RSL24D1: variants seen among roughly 807,000 people sequenced by gnomAD.
RSL24D1 encodes probable ribosome biogenesis protein RLP24.
A neutral mutation model predicts 26.2 loss-of-function variants in RSL24D1; 6 were observed. That is an observed-to-expected ratio of 0.23 (90% CI 0.13 to 0.45). RSL24D1 has a LOEUF of 0.45. Ranked by LOEUF, RSL24D1 falls within the 20% of genes least tolerant of loss-of-function variation. The pLI, the probability that RSL24D1 is intolerant of heterozygous loss-of-function variation, is 0.99. For synonymous variants in RSL24D1, 61 were observed against 59.1 expected (o/e 1.03, Z -0.15); for missense variants, 176 against 202.6 (o/e 0.87, Z 0.80).
At chr15:55,196,532 G>A in intron 1 of RSL24D1, 3 of 585,908 alleles carry the variant, frequency 5.1e-6, no homozygotes, top group Non-Finnish European at 9.3e-6. Flanking sequence ...AGACATCCAA[G>A]ATTCCTGGTA....
At chr15:55,183,199 C>A (rs62020095) in intron 5 of RSL24D1, 116 bp downstream of exon 5, 1 of 692,996 alleles carries the variant, frequency 1.4e-6, no homozygotes, top group South Asian at 2.2e-5. Flanking sequence ...TTTTATAGGC[C>A]AAATCATATC....
intron 3 of RSL24D1, among the ~76,000 whole-genome samples, chr15:55,185,713 A>C (rs1894217377): frequency 6.6e-6 from 1 of 152,156 alleles, no homozygotes; most frequent in Non-Finnish European, 1.5e-5. Context: ...TGCTTTTCAA[A>C]TTTTACTATA....
chr15:55,183,493 A>T, intron 4 of RSL24D1, 93 bp from the exon 5 acceptor site: 1 of 846,038 alleles, frequency 1.2e-6, no homozygotes, highest in Non-Finnish European at 1.9e-6. Flanking sequence ...TTTGTTACTT[A>T]AGTTAGCCCC....
intron 3 of RSL24D1, among the ~76,000 whole-genome samples, chr15:55,188,592 G>C (rs1431062106): frequency 2.6e-5 from 4 of 152,300 alleles, no homozygotes; most frequent in Non-Finnish European, 5.9e-5. Flanking sequence ...CTTAATAAAT[G>C]TGCACTGAAT....
At chr15:55,195,539 T>C (rs1285050127) in intron 1 of RSL24D1, 1 of 152,256 alleles carries the variant, frequency 6.6e-6, no homozygotes, top group Non-Finnish European at 1.5e-5. Context: ...ACCCAGGTCT[T>C]GACAGTTCTC....
At chr15:55,184,945 C>G (rs1894208388) in intron 4 of RSL24D1, among the ~76,000 whole-genome samples, 1 of 152,080 alleles carries the variant, frequency 6.6e-6, no homozygotes, top group Admixed American at 6.6e-5. Flanking sequence ...GAGAAACTGT[C>G]CAGATTAAAG....
chr15:55,192,580 T>C (rs1033004202), intron 2 of RSL24D1, 140 bp downstream of exon 2: 7 of 537,994 alleles, frequency 1.3e-5, no homozygotes, highest in African/African-American at 1.2e-4. Context: ...AATGAGATTA[T>C]TTCCACAGCC....
At chr15:55,182,473 A>C (rs1026999761) in intron 5 of RSL24D1, among the ~76,000 whole-genome samples, 3 of 152,164 alleles carry the variant, frequency 2.0e-5, no homozygotes, top group Non-Finnish European at 4.4e-5. Flanking sequence ...ACTGAGGCTC[A>C]AAGACAGATT....
rs778975431 is a variant in RSL24D1 at position 55,192,805 on chromosome 15, T to C, written c.110A>G (p.His37Arg). The C allele has an allele frequency of 3.1e-6, 5 of 1,613,698 alleles. No homozygotes were observed. The highest frequency in any genetic ancestry group is 4.2e-6 in the Non-Finnish European group (5 of 1,179,804). ...KVFRFCKSKC[H>R]KNFKKKRNPR... ...ATTGCGCTTCTTTTTAAAGTTTTTA[T>C]GACATTTAGATTTGCAAAATCTGAA... Residue 37 changes from histidine (H) to arginine (R), a missense_variant, in exon 2 of 6, where the codon CAT becomes CGT. This residue lies in a region of RSL24D1 where 89 missense variants were observed against 135.1 expected (regional missense o/e 0.66). Transcript: ENST00000260443.
chr15:55,196,907 A>G lies in RSL24D1; in HGVS notation c.-17T>C. The G allele has an allele frequency of 6.2e-7, 1 of 1,612,352 alleles. No individual in the cohort carries two copies. The highest frequency in any genetic ancestry group is 8.5e-7 in the Non-Finnish European group (1 of 1,178,560). On this transcript the variant is annotated 5_prime_UTR_variant, in exon 1 of 6. Transcript: ENST00000260443. ...GATACGCATGTTGAACCCGCGTGTAACCCCACCAAACAAACGCCAAGCTTG... is the reference window on the plus strand; with the variant it reads ...GATACGCATGTTGAACCCGCGTGTAGCCCCACCAAACAAACGCCAAGCTTG...
At chr15:55,186,032 T>C (rs1392000575) in intron 3 of RSL24D1, among the ~76,000 whole-genome samples, 1 of 152,212 alleles carries the variant, frequency 6.6e-6, no homozygotes, top group Non-Finnish European at 1.5e-5. Flanking sequence ...GTAGCCGTAT[T>C]TTTTAAAGTA....
intron 1 of RSL24D1, among the ~76,000 whole-genome samples, chr15:55,195,079 C>T (rs1421131215): frequency 2.0e-5 from 3 of 149,220 alleles, no homozygotes; most frequent in African/African-American, 7.4e-5. Flanking sequence ...TGGTAAGAGC[C>T]TAATCTGAAC....
In RSL24D1 at chr15:55,180,972, CT is replaced by C. The variant is rs1191022555; in HGVS notation, c.*1179del. On this transcript the variant is annotated 3_prime_UTR_variant, in exon 6 of 6. Coordinates refer to ENST00000260443, the MANE Select transcript of RSL24D1 (RefSeq NM_016304.3). ...GGCAAAACCACATTGGAACTCAGGTCTCCTAACACTTGGTCCAGGGACTGGT... is the reference window on the plus strand; with the variant it reads ...GGCAAAACCACATTGGAACTCAGGTCCCTAACACTTGGTCCAGGGACTGGT... 6.6e-6 allele frequency: 1 copy of C among 152,056 alleles called. No individual in the cohort carries two copies. The highest frequency in any genetic ancestry group is 1.5e-5 in the Non-Finnish European group (1 of 68,004). The allele number at this position is 152,056 out of a possible 1,614,324, so 9.4% of individuals were successfully genotyped here. A position where few individuals can be genotyped will look rare whatever the true frequency, so the allele number is the denominator to read the frequency against.
chr15:55,187,682 G>C (rs79780937), intron 3 of RSL24D1, among the ~76,000 whole-genome samples: 6,819 of 152,196 alleles, frequency 0.045, 515 homozygotes, highest in African/African-American at 0.16. Flanking sequence ...CTTGTAAGCA[G>C]GGGCTAAGCT....
At chr15:55,184,072 T>A (rs76808522) in intron 4 of RSL24D1, among the ~76,000 whole-genome samples, 1,832 of 152,332 alleles carry the variant, frequency 0.012, 58 homozygotes, top group East Asian at 0.057. Flanking sequence ...AGACTAGTTT[T>A]CAAACATTTT....
At chr15:55,190,430 T>C (rs937756420) in intron 3 of RSL24D1, among the ~76,000 whole-genome samples, 1 of 151,972 alleles carries the variant, frequency 6.6e-6, no homozygotes, top group Non-Finnish European at 1.5e-5. Flanking sequence ...AAACAAGAAC[T>C]AGATATTATT....
rs891509592 is a variant in RSL24D1 at position 55,181,965 on chromosome 15, A to G, written c.*187T>C. 2.0e-6 allele frequency: 1 copy of G among 509,456 alleles called. No individual in the cohort carries two copies. Among genetic ancestry groups the G allele is most frequent in the Non-Finnish European group, 3.5e-6 (1 of 284,970 alleles). 31.6% of individuals were successfully genotyped at this position (509,456 alleles called of 1,614,324 possible). A position where few individuals can be genotyped will look rare whatever the true frequency, so the allele number is the denominator to read the frequency against. On this transcript the variant is annotated 3_prime_UTR_variant, in exon 6 of 6. Transcript: ENST00000260443. Reference sequence around the variant, plus strand: ...TTTACTTAAGTACATCTATCAGTAAAGATTTAACACTGAGATGCAATCTAA... The same window carrying G: ...TTTACTTAAGTACATCTATCAGTAAGGATTTAACACTGAGATGCAATCTAA...
In RSL24D1 at chr15:55,190,979, T is replaced by C. The variant is rs17850526; in HGVS notation, c.264A>G (p.Lys88=). 4.4e-6 allele frequency: 7 copies of C among 1,599,410 alleles called. No homozygotes were observed. Among genetic ancestry groups the C allele is most frequent in the Admixed American group, 1.7e-5 (1 of 58,290 alleles). ...PIKYQRELWN[K]TIDAMKRVEE... The stretch of plus-strand genomic sequence containing the variant: ...TGGTATTTCTTTGTGACTTACTAGT[T>C]TTATTCCATAGCTCTCGCTGGTATT... Residue 88 remains lysine, a synonymous_variant, in exon 3 of 6, where the codon AAA becomes AAG. Transcript: ENST00000260443.
chr15:55,192,916 C>G (rs1595653986), intron 1 of RSL24D1, 83 bp from the exon 2 acceptor site: 1 of 818,968 alleles, frequency 1.2e-6, no homozygotes, highest in East Asian at 2.5e-5. Flanking sequence ...ACAAAAAATA[C>G]TTTCCCTTCT....
Sources: allele counts gnomAD v4.1 joint callset (sites outside exome capture counted in the v4.1 genomes callset), GRCh38; gene constraint gnomAD v4.1.1; regional missense constraint gnomAD v4.1.1; transcripts MANE v1.5; gene names NCBI Gene and HGNC (gene_info 2026-07-23, HGNC 2026-07-21).